FRMPD2: variants seen among roughly 807,000 people sequenced by gnomAD.
The protein encoded by FRMPD2 is FERM and PDZ domain containing 2.
Under a neutral mutation model 140.1 loss-of-function variants are expected in FRMPD2, and 96 were observed. That is an observed-to-expected ratio of 0.69 (90% CI 0.58 to 0.81). The LOEUF is 0.81. Among genes scored for constraint, FRMPD2 ranks in the 40% least tolerant of loss-of-function variants. The pLI is 0.00. For missense variants in FRMPD2, 1,240 were observed against 1,447.4 expected, an observed-to-expected ratio of 0.86 and a Z score of 2.32; for synonymous variants, 449 against 547.6, an observed-to-expected ratio of 0.82 and a Z score of 2.52.
At chr10:48,263,416 G>A (rs1840628756) in intron 1 of FRMPD2, among the ~76,000 whole-genome samples, 1 of 151,602 alleles carries the variant, frequency 6.6e-6, no homozygotes, top group African/African-American at 2.4e-5. Context: ...TAAACCCATA[G>A]CCAAGTAACC....
chr10:48,211,946 G>T lies in FRMPD2; in HGVS notation c.1611+8C>A. The T allele has an allele frequency of 6.2e-7, 1 of 1,612,438 alleles. No individual in the cohort carries two copies. The highest frequency in any genetic ancestry group is 8.5e-7 in the Non-Finnish European group (1 of 1,179,322). Reference sequence around the variant, plus strand: ...CCAACACCTCTCTCCAGGTCAGGAAGGCCTTACCCTCAAGAACTTCAGCTC... The same window carrying T: ...CCAACACCTCTCTCCAGGTCAGGAATGCCTTACCCTCAAGAACTTCAGCTC... On this transcript the variant is annotated splice_region_variant and intron_variant, in intron 13 of 28. Coordinates refer to ENST00000374201, the MANE Select transcript of FRMPD2 (RefSeq NM_001018071.4).
chr10:48,227,378 C>A (rs576976946), intron 10 of FRMPD2, among the ~76,000 whole-genome samples: 2 of 152,282 alleles, frequency 1.3e-5, no homozygotes, highest in African/African-American at 4.8e-5. Context: ...GTGGTGGAGA[C>A]TGTCAGGTTT....
intron 1 of FRMPD2, among the ~76,000 whole-genome samples, chr10:48,268,936 T>G (rs1351674133): frequency 1.3e-5 from 2 of 152,212 alleles, no homozygotes; most frequent in Admixed American, 1.3e-4. Flanking sequence ...TCTTTGCAAC[T>G]TCTTTGCAAC....
At chr10:48,215,091 T>G (rs1203673682) in intron 12 of FRMPD2, among the ~76,000 whole-genome samples, 1 of 152,264 alleles carries the variant, frequency 6.6e-6, no homozygotes, top group Non-Finnish European at 1.5e-5. Context: ...AAAATGCAAA[T>G]GTAATCATGT....
At chr10:48,262,171 G>A (rs1310516745) in intron 1 of FRMPD2, among the ~76,000 whole-genome samples, 1 of 151,998 alleles carries the variant, frequency 6.6e-6, no homozygotes, top group Non-Finnish European at 1.5e-5. Flanking sequence ...AACTGACAGA[G>A]TAGATTAAAA....
In FRMPD2 at chr10:48,184,596, TGTC is replaced by T. The variant is rs1307363844; in HGVS notation, c.2551_2553del (p.Asp851del). On this transcript the variant is annotated inframe_deletion, in exon 20 of 29. Transcript: ENST00000374201. ...GACTGAGAAATAATTAATTCTATGT[TGTC>T]AGGGGAATTCTGGATCATCCTAACA... The T allele has an allele frequency of 8.7e-6, 14 of 1,612,140 alleles. No homozygotes were observed. The highest frequency in any genetic ancestry group is 1.1e-5 in the Non-Finnish European group (13 of 1,178,296).
chr10:48,174,368 G>C (rs1266952119), intron 24 of FRMPD2, among the ~76,000 whole-genome samples: 5 of 152,216 alleles, frequency 3.3e-5, no homozygotes, highest in Non-Finnish European at 5.9e-5. Context: ...TTGGCACCCT[G>C]AATTCCTACC....
intron 1 of FRMPD2, among the ~76,000 whole-genome samples, chr10:48,265,274 C>G (rs1225002754): frequency 1.3e-5 from 2 of 152,100 alleles, no homozygotes; most frequent in Admixed American, 1.3e-4. Flanking sequence ...GAAGACAAAA[C>G]CTAGGCAATA....
chr10:48,170,564 C>T (rs1161033262), intron 26 of FRMPD2, among the ~76,000 whole-genome samples: 2 of 151,158 alleles, frequency 1.3e-5, no homozygotes, highest in Non-Finnish European at 3.0e-5. Context: ...TATTTCATTA[C>T]TCTCTCTTCT....
At chr10:48,229,447 T>G (rs1839799110) in intron 10 of FRMPD2, among the ~76,000 whole-genome samples, 1 of 152,110 alleles carries the variant, frequency 6.6e-6, no homozygotes, top group Non-Finnish European at 1.5e-5. Context: ...TGAATTTACT[T>G]TGGGTCTTTC....
intron 12 of FRMPD2, among the ~76,000 whole-genome samples, chr10:48,214,442 T>C (rs533812636): frequency 7.2e-5 from 11 of 152,310 alleles, no homozygotes; most frequent in Admixed American, 6.5e-4. Context: ...TAATGGTGTG[T>C]CAATGTAGGT....
At chr10:48,244,077 G>A (rs373612444) in intron 4 of FRMPD2, among the ~76,000 whole-genome samples, 16 of 152,152 alleles carry the variant, frequency 1.1e-4, no homozygotes, top group East Asian at 3.9e-4. Flanking sequence ...CCCGGCCCCC[G>A]GGGTTTAAGC....
chr10:48,189,369 C>T (rs1323895375), intron 16 of FRMPD2, among the ~76,000 whole-genome samples: 1 of 152,226 alleles, frequency 6.6e-6, no homozygotes, highest in Non-Finnish European at 1.5e-5. Context: ...TCAGAGGCCA[C>T]CTCTCAGGAG....
intron 11 of FRMPD2, among the ~76,000 whole-genome samples, 155 bp from the exon 12 acceptor site, chr10:48,222,606 G>A (rs149382578): frequency 2.0e-4 from 30 of 152,344 alleles, no homozygotes; most frequent in African/African-American, 7.2e-4. Flanking sequence ...GACAAGTGTG[G>A]TCTCCTGCAT....
At chr10:48,272,533 G>A (rs2131994303) in intron 1 of FRMPD2, among the ~76,000 whole-genome samples, 1 of 152,182 alleles carries the variant, frequency 6.6e-6, no homozygotes, top group African/African-American at 2.4e-5. Context: ...CTGTGTAATG[G>A]TGTGCTGGTG....
Position 48,219,234 on chromosome 10 carries a change from CT to C in FRMPD2, c.1455+3078del, listed in dbSNP as rs56740008. 3.0e-3 allele frequency among the ~76,000 whole-genome samples: 427 copies of C among 143,894 alleles called. 1 individual carries two copies. Among genetic ancestry groups the C allele is most frequent in the East Asian group, 5.9e-3 (29 of 4,936 alleles). 94.4% of individuals were successfully genotyped at this position (143,894 alleles called of 152,430 possible). On this transcript the variant is annotated intron_variant, in intron 12 of 28. Coordinates refer to ENST00000374201, the MANE Select transcript of FRMPD2 (RefSeq NM_001018071.4). ...GTGTGTGGTTAACATTTCTTTCTTT[CT>C]TTTTTTTTTTTTTAGCAGTGAATTC... is the stretch of plus-strand genomic sequence containing the variant.
At chr10:48,224,843 T>A (rs1839686922) in intron 10 of FRMPD2, among the ~76,000 whole-genome samples, 1 of 152,242 alleles carries the variant, frequency 6.6e-6, no homozygotes, top group Non-Finnish European at 1.5e-5. Flanking sequence ...GATTGCATTT[T>A]ATGGATCAAT....
chr10:48,257,523 G>A (rs1281793820), intron 1 of FRMPD2, among the ~76,000 whole-genome samples: 2 of 151,988 alleles, frequency 1.3e-5, no homozygotes, highest in Non-Finnish European at 1.5e-5. Context: ...CAAGTGATCC[G>A]CTCTCCTCAG....
chr10:48,227,043 A>G (rs1378880593), intron 10 of FRMPD2, among the ~76,000 whole-genome samples: 1 of 152,138 alleles, frequency 6.6e-6, no homozygotes, highest in Non-Finnish European at 1.5e-5. Context: ...AGGTGGGGGG[A>G]TTCTTTCCAA....
Sources: gnomAD v4.1 joint callset for allele counts (sites outside exome capture counted in the v4.1 genomes callset) on GRCh38, gnomAD v4.1.1 for gene constraint, MANE v1.5 for transcripts, NCBI Gene and HGNC (gene_info 2026-07-23, HGNC 2026-07-21) for gene names.